Variants in OARD1 observed in about 807,000 individuals in gnomAD.
OARD1 encodes the protein O-acyl-ADP-ribose deacylase 1.
In OARD1, 19 loss-of-function variants were observed where a neutral mutation model predicts 19.7. The ratio of observed to expected loss-of-function variants is 0.96; its 90% CI spans 0.67 to 1.41. The LOEUF is 1.41. OARD1 is among the 40% of genes most tolerant of loss of function. The probability of loss-of-function intolerance (pLI) is 0.00; values close to 1 mark genes in which losing one functional copy is unlikely to be tolerated. For synonymous variants in OARD1, 70 were observed against 61.8 expected, an observed-to-expected ratio of 1.13 and a Z score of -0.62; for missense variants, 190 against 183.8, an observed-to-expected ratio of 1.03 and a Z score of -0.20.
intron 1 of OARD1, among the ~76,000 whole-genome samples, chr6:41,084,624 C>T (rs1763992268): frequency 6.6e-6 from 1 of 152,156 alleles, no homozygotes. Flanking sequence ...CCAGTTGAAA[C>T]ACTGATTGAG....
At chr6:41,093,777 CCTTT>C (rs1204714454) in intron 1 of OARD1, among the ~76,000 whole-genome samples, 1 of 152,210 alleles carries the variant, frequency 6.6e-6, no homozygotes, top group Non-Finnish European at 1.5e-5. Flanking sequence ...GGCCAGGTAC[CCTTT>C]CTTTCAAGGA....
chr6:41,080,806 C>A, intron 1 of OARD1: 2 of 1,611,966 alleles, frequency 1.2e-6, no homozygotes, highest in Non-Finnish European at 1.7e-6. Context: ...TGTTCCTGTT[C>A]TCAGCAGCAG....
rs997247901 is a variant in OARD1 at position 41,066,757 on chromosome 6, G to A, written c.*578C>T. 6.6e-6 allele frequency: 1 copy of A among 152,116 alleles called. No homozygotes were observed. The highest frequency in any genetic ancestry group is 2.4e-5 in the African/African-American group (1 of 41,414). 9.4% of individuals were successfully genotyped at this position (152,116 alleles called of 1,614,324 possible). A position where few individuals can be genotyped will look rare whatever the true frequency, so the allele number is the denominator to read the frequency against. ...TGCAGGTGAACCCTCCATTACCCAT[G>A]TCCAGAACAAATAGACATAAGCACA... On this transcript the variant is annotated 3_prime_UTR_variant, in exon 6 of 6. Transcript: ENST00000424266.
At chr6:41,088,268 A>C (rs1233037359) in intron 1 of OARD1, among the ~76,000 whole-genome samples, 1 of 151,636 alleles carries the variant, frequency 6.6e-6, no homozygotes, top group African/African-American at 2.4e-5. Flanking sequence ...AAGACAAAAA[A>C]AAAATTAAGC....
chr6:41,087,395 A>G (rs1299566670), intron 1 of OARD1, among the ~76,000 whole-genome samples: 2 of 152,128 alleles, frequency 1.3e-5, no homozygotes, highest in Non-Finnish European at 2.9e-5. Context: ...ATCAGCTGGT[A>G]GACTTTGTGA....
At chr6:41,074,173 A>G (rs1024138037), upstream of OARD1, among the ~76,000 whole-genome samples, 3 of 151,058 alleles carry the variant, frequency 2.0e-5, no homozygotes, top group African/African-American at 7.3e-5. Flanking sequence ...GACCCAGTCC[A>G]CTCATCTCTT....
chr6:41,096,335 G>A (rs899819291), intron 1 of OARD1, among the ~76,000 whole-genome samples: 1 of 152,292 alleles, frequency 6.6e-6, no homozygotes, highest in East Asian at 1.9e-4. Context: ...CATTCATAAC[G>A]GTGTATGAAT....
chr6:41,090,341 T>C (rs762416812), intron 1 of OARD1: 1 of 1,499,652 alleles, frequency 6.7e-7, no homozygotes, highest in Non-Finnish European at 9.3e-7. Context: ...CCTAGGACTT[T>C]TTGGGGCAAC....
intron 1 of OARD1, among the ~76,000 whole-genome samples, chr6:41,088,146 C>T (rs1182848626): frequency 6.6e-6 from 1 of 152,058 alleles, no homozygotes; most frequent in Non-Finnish European, 1.5e-5. Context: ...TTGGCCGGTG[C>T]GGTGGCCCAC....
upstream of OARD1, among the ~76,000 whole-genome samples, chr6:41,074,142 A>G (rs138345240): frequency 3.0e-4 from 45 of 151,838 alleles, 1 homozygote; most frequent in African/African-American, 9.7e-4. Flanking sequence ...TCGCCTTTCT[A>G]TGTTACTTTG....
chr6:41,096,863 C>T lies in OARD1; in HGVS notation c.-42+850G>A, dbSNP rs376970061. On this transcript the variant is annotated intron_variant, in intron 1 of 4. Transcript: ENST00000480585. ...ACTTTCTGACCCTGACCCTAGTCCA[C>T]GCAAATCACTTTACCCATCTGGCCT... Among the ~76,000 whole-genome samples the T allele has an allele frequency of 3.9e-5, 6 of 152,212 alleles. No homozygotes were observed. The East Asian group carries it at 5.8e-4, about 15-fold the overall frequency.
chr6:41,067,437 C>G lies in OARD1; in HGVS notation c.357G>C (p.Arg119Ser). 1 of 1,607,368 alleles carries G rather than the reference C, an allele frequency of 6.2e-7. No homozygotes were observed. Among genetic ancestry groups the G allele is most frequent in the Non-Finnish European group, 8.5e-7 (1 of 1,174,372 alleles). The change falls in exon 6 of 6, where the codon AGG becomes AGC. Residue 119 changes from arginine to serine, a missense_variant and splice_region_variant. Arg to Ser is a moderately radical substitution (Grantham distance 110). Transcript: ENST00000424266. ...KNGVTDLSMPRIGCGLDRLQW... is the reference protein window; with the variant it reads ...KNGVTDLSMPSIGCGLDRLQW... ...GCAGACGATCAAGACCACATCCAAT[C>G]CTGAAAAAGACAAAATATCTCCATT...
chr6:41,082,244 T>A (rs1763931000), intron 1 of OARD1, among the ~76,000 whole-genome samples: 1 of 152,226 alleles, frequency 6.6e-6, no homozygotes. Flanking sequence ...GAACATAAAT[T>A]AAGCCGAAAG....
intron 1 of OARD1, chr6:41,084,215 G>C: frequency 4.3e-6 from 7 of 1,612,290 alleles, no homozygotes; most frequent in Non-Finnish European, 5.9e-6. Flanking sequence ...TAAAAATATT[G>C]AGCAGTATAT....
At chr6:41,093,639 T>G (rs1326996428) in intron 1 of OARD1, among the ~76,000 whole-genome samples, 1 of 152,112 alleles carries the variant, frequency 6.6e-6, no homozygotes, top group African/African-American at 2.4e-5. Flanking sequence ...CCCAGCTTAT[T>G]TTTGTGTTTT....
chr6:41,070,826 T>C (rs1582005065), intron 3 of OARD1: 1 of 552,360 alleles, frequency 1.8e-6, no homozygotes, highest in East Asian at 3.0e-5. Flanking sequence ...AGCAGAATAT[T>C]GGTAAGTAAA....
intron 1 of OARD1, chr6:41,078,925 G>A (rs1763829271): frequency 1.8e-6 from 1 of 560,608 alleles, no homozygotes; most frequent in Non-Finnish European, 3.2e-6. Context: ...CTCCTATCCT[G>A]TTTTCTTGCA....
chr6:41,091,848 A>G (rs1764205264), intron 1 of OARD1, among the ~76,000 whole-genome samples: 1 of 152,240 alleles, frequency 6.6e-6, no homozygotes, highest in African/African-American at 2.4e-5. Context: ...ATGACAAACC[A>G]TAATTCATTC....
At chr6:41,076,244 A>G (rs189485606), upstream of OARD1, among the ~76,000 whole-genome samples, 246 of 152,294 alleles carry the variant, frequency 1.6e-3, no homozygotes, top group East Asian at 4.6e-3. Context: ...CCCCTCTCTT[A>G]AAAGAAAAAA....
Sources: allele counts gnomAD v4.1 joint callset (sites outside exome capture counted in the v4.1 genomes callset), GRCh38; gene constraint gnomAD v4.1.1; transcripts MANE v1.5; gene names NCBI Gene and HGNC (gene_info 2026-07-23, HGNC 2026-07-21).